The following PLS1 variants were observed in gnomAD, a reference collection of about 807,000 sequenced individuals.
PLS1 encodes the protein plastin-1.
Under a neutral mutation model 73.7 loss-of-function variants are expected in PLS1, and 32 were observed. That is an observed-to-expected ratio of 0.43 (90% CI 0.33 to 0.58). PLS1 has a LOEUF of 0.58. Ranked by LOEUF, PLS1 falls within the 20% of genes least tolerant of loss-of-function variation. The pLI, the probability that PLS1 is intolerant of heterozygous loss-of-function variation, is 0.04. For missense variants in PLS1, 633 were observed against 740.5 expected (o/e 0.85, Z 1.68); for synonymous variants, 217 against 261.3 (o/e 0.83, Z 1.63).
chr3:142,647,669 A>C (rs2036987425), intron 1 of PLS1, among the ~76,000 whole-genome samples: 1 of 151,598 alleles, frequency 6.6e-6, no homozygotes, highest in Non-Finnish European at 1.5e-5. Flanking sequence ...TACCCGGCTA[A>C]TTTTTTGTAT....
rs2037604838 is a variant in PLS1 at position 142,671,563 on chromosome 3, A to C, written c.364+441A>C. ...TCTCTTCCATTTTCTGAGATCTGAGATACCCGATTCACCTTTTATCTAGTA... is the reference window on the plus strand; with the variant it reads ...TCTCTTCCATTTTCTGAGATCTGAGCTACCCGATTCACCTTTTATCTAGTA... On this transcript the variant is annotated intron_variant, in intron 4 of 15. Transcript: ENST00000457734. 3.3e-5 allele frequency among the ~76,000 whole-genome samples: 5 copies of C among 152,056 alleles called. No homozygotes were observed. The South Asian group carries it at 1.0e-3, about 32-fold the overall frequency.
intron 11 of PLS1, among the ~76,000 whole-genome samples, chr3:142,696,720 A>AAATAATAATAATAAT (rs370809568): frequency 3.1e-4 from 42 of 136,858 alleles, no homozygotes; most frequent in South Asian, 9.2e-4. Flanking sequence ...TCTATTTGCA[A>AAATAATAATAATAAT]AATAATAATA....
Position 142,626,746 on chromosome 3 carries a change from A to G in PLS1, c.-37+30237A>G, listed in dbSNP as rs186267404. On this transcript the variant is annotated intron_variant, in intron 1 of 15. Coordinates refer to ENST00000457734, the MANE Select transcript of PLS1 (RefSeq NM_001145319.2). Reference sequence around the variant, plus strand: ...TGTTCTACTGTTTTCTTATGCTTATATGATTTGTATTTTTTACAGTCTCCA... The same window carrying G: ...TGTTCTACTGTTTTCTTATGCTTATGTGATTTGTATTTTTTACAGTCTCCA... Among the ~76,000 whole-genome samples the G allele has an allele frequency of 1.6e-3, 245 of 152,280 alleles. 1 individual carries two copies. The highest frequency in any genetic ancestry group is 4.7e-3 in the African/African-American group (194 of 41,532).
rs933800654 is a variant in PLS1, at chr3:142,655,790, G to A, written c.-36-8412G>A. Among the ~76,000 whole-genome samples, 6 of 151,106 alleles carry A rather than the reference G, an allele frequency of 4.0e-5. No individual in the cohort carries two copies. The South Asian group carries it at 6.3e-4, about 16-fold the overall frequency. On this transcript the variant is annotated intron_variant, in intron 1 of 15. Coordinates refer to ENST00000457734, the MANE Select transcript of PLS1 (RefSeq NM_001145319.2). The stretch of plus-strand genomic sequence containing the variant: ...TTGGAACCAGTGTCACTTTACCCCC[G>A]GTGCGCTGTTCCTGGCTTAACACTT...
chr3:142,710,167 CT>C (rs201238880), intron 14 of PLS1, among the ~76,000 whole-genome samples: 1,495 of 131,566 alleles, frequency 0.011, 14 homozygotes, highest in African/African-American at 0.027. Flanking sequence ...ATTCAGGACT[CT>C]TTTTTTTTTT....
chr3:142,649,607 C>T lies in PLS1; in HGVS notation c.-36-14595C>T, dbSNP rs1323827235. Among the ~76,000 whole-genome samples, 2 of 150,998 alleles carry T rather than the reference C, an allele frequency of 1.3e-5. 1 individual carries two copies. The highest frequency in any genetic ancestry group is 2.9e-5 in the Non-Finnish European group (2 of 67,838). ...GAGCTGAGATCGCACCACTGAACTC[C>T]AGTCTGGGCAACAGAGCGAGACTCT... On this transcript the variant is annotated intron_variant, in intron 1 of 15. Transcript: ENST00000457734.
At chr3:142,666,955 G>A (rs1364079156) in intron 2 of PLS1, among the ~76,000 whole-genome samples, 1 of 152,180 alleles carries the variant, frequency 6.6e-6, no homozygotes, top group African/African-American at 2.4e-5. Flanking sequence ...GTCATTTCAA[G>A]CCCTTTGCCT....
chr3:142,613,014 C>T (rs747259986), intron 1 of PLS1, among the ~76,000 whole-genome samples: 9 of 152,176 alleles, frequency 5.9e-5, no homozygotes, highest in Non-Finnish European at 1.0e-4. Flanking sequence ...GATCTGCCTG[C>T]CTCCGCCTCC....
intron 1 of PLS1, chr3:142,597,343 C>T (rs2035832235): frequency 6.6e-6 from 1 of 152,162 alleles, no homozygotes; most frequent in African/African-American, 2.4e-5. Context: ...ACACACTGAA[C>T]TTGAAGCAAG....
At chr3:142,679,514 T>C (rs1298648903) in intron 6 of PLS1, among the ~76,000 whole-genome samples, 12 of 152,222 alleles carry the variant, frequency 7.9e-5, no homozygotes, top group East Asian at 3.9e-4. Flanking sequence ...TTCCCAGCAC[T>C]ATTTATTAAA....
intron 1 of PLS1, among the ~76,000 whole-genome samples, chr3:142,596,994 G>A (rs1446261159): frequency 1.3e-5 from 2 of 152,126 alleles, no homozygotes; most frequent in Admixed American, 6.6e-5. Context: ...GCATAAAAAT[G>A]TCAGTTTTCA....
chr3:142,711,699 GC>G, intron 15 of PLS1, 74 bp downstream of exon 15: 2 of 1,368,896 alleles, frequency 1.5e-6, no homozygotes, highest in Non-Finnish European at 2.0e-6. Flanking sequence ...AAGTTACTAT[GC>G]CCTTAAAATT....
intron 1 of PLS1, among the ~76,000 whole-genome samples, chr3:142,649,637 CAA>C (rs60404781): frequency 5.0e-5 from 6 of 119,588 alleles, no homozygotes; most frequent in Non-Finnish European, 5.3e-5. Flanking sequence ...GACTCTGTCT[CAA>C]AAAAAAAAAA....
At chr3:142,637,703 A>G (rs1471664444) in intron 1 of PLS1, among the ~76,000 whole-genome samples, 1 of 152,312 alleles carries the variant, frequency 6.6e-6, no homozygotes, top group East Asian at 1.9e-4. Flanking sequence ...AGTCCAAAAA[A>G]TTGAGTGTAG....
At chr3:142,706,306 G>A (rs73002086) in intron 14 of PLS1, among the ~76,000 whole-genome samples, 4,241 of 152,210 alleles carry the variant, frequency 0.028, 210 homozygotes, top group African/African-American at 0.097. Context: ...TAATATTATG[G>A]ATGAAAAGTC....
intron 1 of PLS1, among the ~76,000 whole-genome samples, chr3:142,600,897 TATATATATATA>T (rs2035905072): frequency 2.0e-4 from 6 of 29,802 alleles, no homozygotes; most frequent in African/African-American, 7.5e-4. Context: ...TATATATATA[TATATATATATA>T]TATATATATT....
chr3:142,694,527 A>G lies in PLS1; in HGVS notation c.1236A>G (p.Pro412=), dbSNP rs756920397. The change falls in exon 11 of 16, where the codon CCA becomes CCG. Residue 412 remains proline (P), a synonymous_variant. Transcript: ENST00000457734. ...RNWMNSLGVN[P]YINHLYSDLA... ...GGATGAATTCCTTGGGAGTCAACCCATACATTAATCATTTGTACAGGTAAA... is the reference window on the plus strand; with the variant it reads ...GGATGAATTCCTTGGGAGTCAACCCGTACATTAATCATTTGTACAGGTAAA... 6.3e-7 allele frequency: 1 copy of G among 1,595,258 alleles called. No homozygotes were observed. Among genetic ancestry groups the G allele is most frequent in the Non-Finnish European group, 8.6e-7 (1 of 1,163,102 alleles).
At chr3:142,651,701 A>G (rs1362158303) in intron 1 of PLS1, among the ~76,000 whole-genome samples, 1 of 152,202 alleles carries the variant, frequency 6.6e-6, no homozygotes. Context: ...GAACAGAATC[A>G]AGAATGTGAG....
chr3:142,649,695 G>A (rs1461490457), intron 1 of PLS1, among the ~76,000 whole-genome samples: 1 of 151,818 alleles, frequency 6.6e-6, no homozygotes, highest in Non-Finnish European at 1.5e-5. Flanking sequence ...GGGAAGAAAA[G>A]GTACAAAGCA....
Sources: gnomAD v4.1 joint callset for allele counts (sites outside exome capture counted in the v4.1 genomes callset) on GRCh38, gnomAD v4.1.1 for gene constraint, MANE v1.5 for transcripts, NCBI Gene and HGNC (gene_info 2026-07-23, HGNC 2026-07-21) for gene names.